The following SDK1 variants were observed in gnomAD, a reference collection of about 807,000 sequenced individuals.
The protein encoded by SDK1 is protein sidekick-1.
In SDK1, 157 loss-of-function variants were observed where a neutral mutation model predicts 245.5. The ratio of observed to expected loss-of-function variants is 0.64; its 90% CI spans 0.56 to 0.73. SDK1 has a LOEUF of 0.73. SDK1 is among the 30% of genes least tolerant of loss of function. The pLI is 0.00. For missense variants in SDK1, 3,583 were observed against 3,002.3 expected, an observed-to-expected ratio of 1.19 and a Z score of -4.52; for synonymous variants, 1,647 against 1,278.5, an observed-to-expected ratio of 1.29 and a Z score of -6.15.
In SDK1 at chr7:4,052,421, C is replaced by T. The variant is rs6979300; in HGVS notation, c.2911+591C>T. 7.9e-3 allele frequency among the ~76,000 whole-genome samples: 1,203 copies of T among 151,854 alleles called. 19 individuals carry two copies. Among genetic ancestry groups the T allele is most frequent in the African/African-American group, 0.027 (1,132 of 41,368 alleles). On this transcript the variant is annotated intron_variant, in intron 19 of 44. Coordinates refer to ENST00000404826, the MANE Select transcript of SDK1 (RefSeq NM_152744.4). ...GGCGGCTCGTTACAGTTATTTGTAG[C>T]TGGAAAAAATGTGAAAAGCATTCAG...
In SDK1 at chr7:3,364,607, TG is replaced by T. The variant is rs530603342; in HGVS notation, c.298+62724del. Among the ~76,000 whole-genome samples the T allele has an allele frequency of 3.1e-3, 466 of 152,326 alleles. 1 individual carries two copies. The highest frequency in any genetic ancestry group is 0.011 in the African/African-American group (440 of 41,582). On this transcript the variant is annotated intron_variant, in intron 1 of 44. Transcript: ENST00000404826. Reference sequence around the variant, plus strand: ...TTGGACATATCTGTTCATCTGTTTTTGCATTTTCTACTCTATTTCATTGATC... The same window carrying T: ...TTGGACATATCTGTTCATCTGTTTTTCATTTTCTACTCTATTTCATTGATC...
intron 34 of SDK1, among the ~76,000 whole-genome samples, chr7:4,176,569 A>T (rs1458499339): frequency 6.6e-6 from 1 of 152,184 alleles, no homozygotes; most frequent in East Asian, 1.9e-4. Flanking sequence ...TCACACTGTT[A>T]TGCAGCCGTC....
chr7:4,078,261 G>T (rs995809420), intron 21 of SDK1, among the ~76,000 whole-genome samples: 4 of 152,166 alleles, frequency 2.6e-5, no homozygotes, highest in African/African-American at 7.2e-5. Context: ...GTGGCTGGAG[G>T]CAAATCAAAT....
chr7:3,808,401 C>G (rs7806241), intron 4 of SDK1, among the ~76,000 whole-genome samples: 19,415 of 152,170 alleles, frequency 0.13, 2,191 homozygotes, highest in African/African-American at 0.31. Flanking sequence ...ACAGAAAAAT[C>G]TCAGAATGCT....
chr7:3,342,487 C>G (rs915941457), intron 1 of SDK1, among the ~76,000 whole-genome samples: 1 of 152,058 alleles, frequency 6.6e-6, no homozygotes, highest in African/African-American at 2.4e-5. Context: ...ACTCAGGAGG[C>G]TGAGGCAGGA....
At chr7:4,076,736 T>C (rs1780705407) in intron 20 of SDK1, among the ~76,000 whole-genome samples, 1 of 152,150 alleles carries the variant, frequency 6.6e-6, no homozygotes, top group South Asian at 2.1e-4. Context: ...CCTGTCCTTA[T>C]GAAGCTCGCC....
intron 4 of SDK1, among the ~76,000 whole-genome samples, chr7:3,780,576 A>G (rs1394181499): frequency 2.0e-5 from 3 of 152,186 alleles, no homozygotes; most frequent in African/African-American, 7.2e-5. Flanking sequence ...CTAGAATGCT[A>G]TTCTCCCTGG....
At chr7:3,550,621 C>A (rs1779371236) in intron 1 of SDK1, among the ~76,000 whole-genome samples, 1 of 152,138 alleles carries the variant, frequency 6.6e-6, no homozygotes, top group African/African-American at 2.4e-5. Flanking sequence ...GCATGTAGAA[C>A]AAATCAGAAG....
chr7:3,929,305 C>T (rs893080019), intron 5 of SDK1, among the ~76,000 whole-genome samples: 2 of 152,188 alleles, frequency 1.3e-5, no homozygotes, highest in South Asian at 2.1e-4. Context: ...GGACTTTGAT[C>T]GCTTGGCCAG....
chr7:4,034,159 T>A (rs535831763), intron 17 of SDK1, among the ~76,000 whole-genome samples: 3 of 152,062 alleles, frequency 2.0e-5, no homozygotes, highest in Non-Finnish European at 4.4e-5. Context: ...GGACTCAAAC[T>A]AGGAACATAT....
intron 1 of SDK1, among the ~76,000 whole-genome samples, chr7:3,412,616 A>C (rs1779243729): frequency 6.6e-6 from 1 of 152,210 alleles, no homozygotes; most frequent in Admixed American, 6.5e-5. Flanking sequence ...TGTGCAAGTA[A>C]AGCTGTAGGA....
chr7:3,324,700 A>T (rs1252261520), intron 1 of SDK1, among the ~76,000 whole-genome samples: 1 of 152,182 alleles, frequency 6.6e-6, no homozygotes, highest in Non-Finnish European at 1.5e-5. Flanking sequence ...AAACTGGAAA[A>T]CTGTTCTTTA....
chr7:4,017,074 C>T (rs921455522), intron 16 of SDK1, 97 bp from the exon 17 acceptor site: 3 of 1,197,718 alleles, frequency 2.5e-6, no homozygotes, highest in Admixed American at 2.8e-5. Context: ...TGATTATTTA[C>T]TTCCATTTCC....
chr7:4,081,639 G>A (rs375891964), intron 22 of SDK1, among the ~76,000 whole-genome samples: 21 of 151,890 alleles, frequency 1.4e-4, no homozygotes, highest in African/African-American at 4.6e-4. Flanking sequence ...AGGATGGTCT[G>A]GATCTCCTGA....
intron 4 of SDK1, among the ~76,000 whole-genome samples, chr7:3,667,229 A>G (rs923523717): frequency 3.3e-5 from 5 of 152,196 alleles, no homozygotes; most frequent in Admixed American, 6.5e-5. Context: ...TTCAAATGTA[A>G]TTTTATTATA....
intron 1 of SDK1, among the ~76,000 whole-genome samples, chr7:3,548,863 G>C (rs182617614): frequency 1.3e-5 from 2 of 152,248 alleles, no homozygotes; most frequent in East Asian, 3.9e-4. Flanking sequence ...ATATTAATAA[G>C]CTCATAAAGA....
intron 1 of SDK1, among the ~76,000 whole-genome samples, chr7:3,322,588 C>T (rs1779844683): frequency 6.6e-6 from 1 of 152,098 alleles, no homozygotes; most frequent in Non-Finnish European, 1.5e-5. Flanking sequence ...CAATTTCCAC[C>T]AACAATGTAG....
At chr7:3,529,548 T>G (rs1271293733) in intron 1 of SDK1, among the ~76,000 whole-genome samples, 1 of 151,394 alleles carries the variant, frequency 6.6e-6, no homozygotes, top group Non-Finnish European at 1.5e-5. Context: ...AGAAGCAAAG[T>G]TTGTTGTTGT....
rs1254878706 is a variant in SDK1, at chr7:3,692,859, G to A, written c.713+50754G>A. On this transcript the variant is annotated intron_variant, in intron 4 of 44. Transcript: ENST00000404826. ...GTTTACGTATCCTTGGCACCATCGA[G>A]TATTGCACTGGCAAATACATTTCTA... 2.6e-5 allele frequency among the ~76,000 whole-genome samples: 4 copies of A among 152,106 alleles called. No homozygotes were observed. The South Asian group carries it at 6.2e-4, about 24-fold the overall frequency.
Sources: gnomAD v4.1 joint callset for allele counts (sites outside exome capture counted in the v4.1 genomes callset) on GRCh38, gnomAD v4.1.1 for gene constraint, MANE v1.5 for transcripts, NCBI Gene and HGNC (gene_info 2026-07-23, HGNC 2026-07-21) for gene names.